Variants in ADAM2 observed in about 807,000 individuals in gnomAD.
ADAM2 encodes the protein ADAM metallopeptidase domain 2, also known as disintegrin and metalloproteinase domain-containing protein 2.
In ADAM2, 101 loss-of-function variants were observed where a neutral mutation model predicts 99.3. That is an observed-to-expected ratio of 1.02 (90% confidence interval 0.87 to 1.20). The LOEUF (loss-of-function observed/expected upper bound fraction) is 1.20. Ranked by LOEUF, ADAM2 falls within the 50% of genes most tolerant of loss-of-function variation. The probability of loss-of-function intolerance (pLI) is 0.00; values close to 1 mark genes in which losing one functional copy is unlikely to be tolerated. For missense variants in ADAM2, 948 were observed against 878.7 expected, an observed-to-expected ratio of 1.08 and a Z score of -1.00; for synonymous variants, 323 against 287.6, an observed-to-expected ratio of 1.12 and a Z score of -1.25.
chr8:39,746,666 G>A (rs201595410), intron 18 of ADAM2, 35 bp from the exon 19 acceptor site: 33 of 1,507,380 alleles, frequency 2.2e-5, no homozygotes, highest in East Asian at 2.1e-4. Flanking sequence ...TTGAAAGCAA[G>A]CACCAGAAAT....
chr8:39,769,384 G>A lies in ADAM2; in HGVS notation c.1212+8C>T, dbSNP rs751259562. 3 of 1,606,854 alleles carry A rather than the reference G, an allele frequency of 1.9e-6. No individual in the cohort carries two copies. Among genetic ancestry groups the A allele is most frequent in the Non-Finnish European group, 2.6e-6 (3 of 1,175,444 alleles). ...TTTCAGTGCGTAGTCTTCCGAATTA[G>A]TACCAACCTGTTCAGTCCCACAGTC... On this transcript the variant is annotated splice_region_variant and intron_variant, in intron 12 of 20. Coordinates refer to ENST00000265708, the MANE Select transcript of ADAM2 (RefSeq NM_001464.5).
At chr8:39,822,633 T>C (rs1805240343) in intron 4 of ADAM2, among the ~76,000 whole-genome samples, 1 of 152,240 alleles carries the variant, frequency 6.6e-6, no homozygotes. Context: ...ACAAAGTTTC[T>C]TTCTACTTTA....
rs192428553 is a variant in ADAM2, at chr8:39,766,735, G to A, written c.1507+113C>T. Reference sequence around the variant, plus strand: ...ATTCTTCTCTTTCTATAATTCTTTAGAATATTTAAACTAAATGTGACATTT... The same window carrying A: ...ATTCTTCTCTTTCTATAATTCTTTAAAATATTTAAACTAAATGTGACATTT... On this transcript the variant is annotated intron_variant, in intron 14 of 20. Coordinates refer to ENST00000265708, the MANE Select transcript of ADAM2 (RefSeq NM_001464.5). 4 of 848,192 alleles carry A rather than the reference G, an allele frequency of 4.7e-6. No homozygotes were observed. The East Asian group carries it at 1.1e-4, about 22-fold the overall frequency. 52.5% of individuals were successfully genotyped at this position (848,192 alleles called of 1,614,324 possible). A position where few individuals can be genotyped will look rare whatever the true frequency, so the allele number is the denominator to read the frequency against.
intron 19 of ADAM2, among the ~76,000 whole-genome samples, chr8:39,745,630 G>C (rs978603509): frequency 2.0e-5 from 3 of 151,894 alleles, no homozygotes; most frequent in African/African-American, 7.2e-5. Context: ...CTATCATCTA[G>C]ATTTTTAAGT....
chr8:39,761,021 G>A (rs1321577451), intron 15 of ADAM2, among the ~76,000 whole-genome samples, 155 bp downstream of exon 15: 1 of 152,054 alleles, frequency 6.6e-6, no homozygotes, highest in East Asian at 1.9e-4. Context: ...GGTTATAGGA[G>A]AGGAGAAATG....
At chr8:39,837,900 G>A (rs556478579) in intron 1 of ADAM2, among the ~76,000 whole-genome samples, 2 of 152,224 alleles carry the variant, frequency 1.3e-5, no homozygotes, top group East Asian at 3.9e-4. Flanking sequence ...AACCTCTTAA[G>A]GCCTAGGACC....
At chr8:39,786,775 A>C (rs1233409897) in intron 10 of ADAM2, among the ~76,000 whole-genome samples, 199 bp downstream of exon 10, 1 of 152,074 alleles carries the variant, frequency 6.6e-6, no homozygotes, top group Non-Finnish European at 1.5e-5. Context: ...GATATCTTGA[A>C]CTCATGATAG....
intron 1 of ADAM2, 62 bp downstream of exon 1, chr8:39,838,069 G>T: frequency 6.4e-7 from 1 of 1,557,890 alleles, no homozygotes; most frequent in Non-Finnish European, 8.9e-7. Context: ...ATGTAACTTG[G>T]AGGCAAAGGG....
At chr8:39,776,994 A>G in intron 11 of ADAM2, 31 bp downstream of exon 11, 5 of 1,287,108 alleles carry the variant, frequency 3.9e-6, no homozygotes, top group Non-Finnish European at 5.6e-6. Flanking sequence ...ATTAAACTAT[A>G]TATGTAAAGT....
At chr8:39,747,924 C>T (rs1301439361) in intron 18 of ADAM2, among the ~76,000 whole-genome samples, 1 of 152,122 alleles carries the variant, frequency 6.6e-6, no homozygotes, top group Non-Finnish European at 1.5e-5. Flanking sequence ...ATGCACTATC[C>T]AATTTCAAAG....
At chr8:39,747,018 A>G (rs920077604) in intron 18 of ADAM2, among the ~76,000 whole-genome samples, 1 of 152,216 alleles carries the variant, frequency 6.6e-6, no homozygotes, top group African/African-American at 2.4e-5. Context: ...CTTTCTTCCA[A>G]GAATTTGGTT....
At chr8:39,761,676 T>C (rs1397734565) in intron 14 of ADAM2, among the ~76,000 whole-genome samples, 1 of 152,340 alleles carries the variant, frequency 6.6e-6, no homozygotes, top group East Asian at 1.9e-4. Context: ...ATTATCTTGT[T>C]TTACATCATA....
intron 11 of ADAM2, among the ~76,000 whole-genome samples, chr8:39,774,235 T>A (rs780071402): frequency 6.6e-6 from 1 of 151,928 alleles, no homozygotes; most frequent in Non-Finnish European, 1.5e-5. Flanking sequence ...AAGTTACAAG[T>A]CTTGCTCATA....
intron 3 of ADAM2, among the ~76,000 whole-genome samples, chr8:39,828,475 T>C (rs1011651257): frequency 6.6e-6 from 1 of 151,482 alleles, no homozygotes; most frequent in African/African-American, 2.4e-5. Context: ...ATAATATAAA[T>C]TAGTAGATTC....
intron 3 of ADAM2, among the ~76,000 whole-genome samples, chr8:39,828,590 G>A (rs1805501405): frequency 6.6e-6 from 1 of 151,618 alleles, no homozygotes; most frequent in Admixed American, 6.6e-5. Context: ...ATCAAGAAGA[G>A]TAAGCACACC....
At position 39,788,097 on chromosome 8, in the gene ADAM2, G is replaced by C; in HGVS notation, c.797C>G (p.Ala266Gly). ...SYLVLRPHDV[A>G]FLLVYREKSN... ...AAGATATCCTTACACAAGTAAAAAT[G>C]CCACATCATGAGGACGTAAAACAAG... The change falls in exon 9 of 21, where the codon GCA becomes GGA. Residue 266 changes from alanine to glycine, a missense_variant. Transcript: ENST00000265708. 1 of 1,527,596 alleles carries C rather than the reference G, an allele frequency of 6.5e-7. No homozygotes were observed. The highest frequency in any genetic ancestry group is 8.8e-7 in the Non-Finnish European group (1 of 1,141,054). The allele number at this position is 1,527,596 out of a possible 1,614,324, so 94.6% of individuals were successfully genotyped here.
chr8:39,820,880 T>C, intron 6 of ADAM2, 122 bp downstream of exon 6: 1 of 558,212 alleles, frequency 1.8e-6, no homozygotes, highest in Non-Finnish European at 3.1e-6. Context: ...CATGTATCCA[T>C]ACATGTGGCT....
intron 7 of ADAM2, among the ~76,000 whole-genome samples, chr8:39,798,002 A>G (rs946743076): frequency 4.0e-5 from 6 of 151,812 alleles, no homozygotes; most frequent in Non-Finnish European, 7.4e-5. Context: ...AACTTCACTT[A>G]CTCTCTTTTT....
chr8:39,803,670 G>A (rs62511202), intron 7 of ADAM2, among the ~76,000 whole-genome samples: 11,880 of 152,184 alleles, frequency 0.078, 532 homozygotes, highest in Middle Eastern at 0.11. Flanking sequence ...TAGTTGTAAT[G>A]TCCTTTAGCA....
Sources: allele counts gnomAD v4.1 joint callset (sites outside exome capture counted in the v4.1 genomes callset), GRCh38; gene constraint gnomAD v4.1.1; transcripts MANE v1.5; gene names NCBI Gene and HGNC (gene_info 2026-07-23, HGNC 2026-07-21).